The following SCEL variants were observed in gnomAD, a reference collection of about 807,000 sequenced individuals.
SCEL encodes sciellin.
SCEL carries 113 observed loss-of-function variants against 117.6 expected under a neutral mutation model. The observed-to-expected ratio is 0.96, with a 90% CI of 0.83 to 1.12. The LOEUF (loss-of-function observed/expected upper bound fraction) is 1.12. Ranked by LOEUF, SCEL falls within the 50% of genes most tolerant of loss-of-function variation. SCEL has a pLI of 0.00. For missense variants in SCEL, 785 were observed against 810.8 expected, an observed-to-expected ratio of 0.97 and a Z score of 0.39; for synonymous variants, 270 against 256.2, an observed-to-expected ratio of 1.05 and a Z score of -0.51.
intron 1 of SCEL, among the ~76,000 whole-genome samples, chr13:77,538,479 T>TA (rs2083530417): frequency 6.6e-6 from 1 of 151,706 alleles, no homozygotes; most frequent in African/African-American, 2.4e-5. Context: ...GTACAAATGG[T>TA]AAACTGTGAT....
rs780697621 is a variant in SCEL at position 77,559,836 on chromosome 13, G to A, written c.194G>A (p.Arg65Gln). The change falls in exon 4 of 33, where the codon CGA becomes CAA. Residue 65 changes from arginine to glutamine, a missense_variant. Physicochemically the swap from Arg to Gln is conservative, Grantham distance 43. Coordinates refer to ENST00000349847, the MANE Select transcript of SCEL (RefSeq NM_144777.3). The part of the protein sequence containing the change: ...DENYGRVVLN[R>Q]HNSHDALDRK... ...AATTACGGTAGGGTGGTGCTCAACC[G>A]ACATAATTCCCATGATGCATTGGAC... 3.5e-5 allele frequency: 57 copies of A among 1,613,648 alleles called. No homozygotes were observed. Among genetic ancestry groups the A allele is most frequent in the Admixed American group, 1.8e-4 (11 of 59,960 alleles).
intron 11 of SCEL, among the ~76,000 whole-genome samples, 183 bp from the exon 12 acceptor site, chr13:77,593,329 ATG>A (rs2087028502): frequency 8.9e-6 from 1 of 112,290 alleles, no homozygotes; most frequent in Non-Finnish European, 1.9e-5. Context: ...TCAGTGGGGG[ATG>A]TGTGTGTCTC....
chr13:77,612,604 T>C (rs2154403253), intron 22 of SCEL, among the ~76,000 whole-genome samples: 2 of 151,856 alleles, frequency 1.3e-5, no homozygotes, highest in East Asian at 3.9e-4. Context: ...TTATAAATGG[T>C]TTAATTCTGC....
chr13:77,580,525 T>G (rs1271461568), intron 9 of SCEL, among the ~76,000 whole-genome samples: 1 of 152,204 alleles, frequency 6.6e-6, no homozygotes, highest in African/African-American at 2.4e-5. Flanking sequence ...ACCATTAAAT[T>G]TTTGTATTCT....
intron 9 of SCEL, among the ~76,000 whole-genome samples, chr13:77,582,512 A>G (rs183587660): frequency 1.3e-5 from 2 of 152,258 alleles, no homozygotes; most frequent in East Asian, 1.9e-4. Context: ...ACAGGTCTGA[A>G]CCATCCTGTA....
At chr13:77,610,186 C>G (rs533485037) in intron 22 of SCEL, 80 bp downstream of exon 22, 1 of 1,012,588 alleles carries the variant, frequency 9.9e-7, no homozygotes, top group Non-Finnish European at 1.5e-6. Flanking sequence ...TGTGCGGTGG[C>G]TTACGCCTGT....
chr13:77,577,588 C>A (rs543425371), intron 9 of SCEL, among the ~76,000 whole-genome samples: 3 of 152,224 alleles, frequency 2.0e-5, no homozygotes, highest in Non-Finnish European at 4.4e-5. Context: ...AACCATATCA[C>A]CAGGTTTTGA....
intron 12 of SCEL, chr13:77,597,164 T>C (rs756849350): frequency 3.3e-5 from 7 of 213,296 alleles, no homozygotes; most frequent in East Asian, 1.7e-4. Context: ...AACACAGAAG[T>C]GTGTCTGATG....
chr13:77,597,487 C>A, intron 12 of SCEL, 58 bp from the exon 13 acceptor site: 1 of 979,600 alleles, frequency 1.0e-6, no homozygotes. Flanking sequence ...GGCAAATTTA[C>A]CCTTTGACCC....
intron 19 of SCEL, among the ~76,000 whole-genome samples, chr13:77,605,461 C>T (rs1038869131): frequency 6.6e-6 from 1 of 152,092 alleles, no homozygotes; most frequent in Non-Finnish European, 1.5e-5. Context: ...GTAGTCAGTG[C>T]GAGCAGGGAA....
At chr13:77,615,397 T>C (rs1252978817) in intron 24 of SCEL, among the ~76,000 whole-genome samples, 1 of 152,108 alleles carries the variant, frequency 6.6e-6, no homozygotes, top group African/African-American at 2.4e-5. Context: ...TAGCAAAGGC[T>C]GTAAAGATAG....
chr13:77,561,991 A>G (rs1246350036), intron 4 of SCEL, among the ~76,000 whole-genome samples: 1 of 151,946 alleles, frequency 6.6e-6, no homozygotes, highest in African/African-American at 2.4e-5. Flanking sequence ...CTTAGATAAT[A>G]CCTTCATATT....
chr13:77,631,575 TGTACAGG>T (rs2090023339), intron 28 of SCEL, among the ~76,000 whole-genome samples: 1 of 152,200 alleles, frequency 6.6e-6, no homozygotes, highest in South Asian at 2.1e-4. Context: ...TGGGTGAAGG[TGTACAGG>T]GACTTTCTGT....
Position 77,608,118 on chromosome 13 carries a change from G to A in SCEL, c.1217+3G>A, listed in dbSNP as rs764610051. 1 of 1,607,088 alleles carries A rather than the reference G, an allele frequency of 6.2e-7. No individual in the cohort carries two copies. The highest frequency in any genetic ancestry group is 1.1e-5 in the South Asian group (1 of 90,668). ...GAAGTAAAGAGAAGTAACCAAGGGT[G>A]AGGACTATGTCTTACCTCTCTTCCT... On this transcript the variant is annotated splice_donor_region_variant and intron_variant, in intron 20 of 32. Transcript: ENST00000349847.
intron 1 of SCEL, among the ~76,000 whole-genome samples, chr13:77,539,690 A>G (rs1172169953): frequency 6.6e-6 from 1 of 151,704 alleles, no homozygotes; most frequent in Non-Finnish European, 1.5e-5. Context: ...GCCCACCACC[A>G]CGCCCAGCTG....
intron 20 of SCEL, among the ~76,000 whole-genome samples, chr13:77,608,849 G>C (rs2088427265): frequency 6.6e-6 from 1 of 151,880 alleles, no homozygotes. Context: ...TTTTATTTTG[G>C]GGGTAAATGA....
intron 12 of SCEL, 64 bp from the exon 13 acceptor site, chr13:77,597,481 A>C: frequency 1.1e-6 from 1 of 928,896 alleles, no homozygotes; most frequent in Non-Finnish European, 1.7e-6. Flanking sequence ...TTTTAAGGCA[A>C]ATTTACCCTT....
At chr13:77,538,075 A>G (rs2083498754) in intron 1 of SCEL, among the ~76,000 whole-genome samples, 1 of 149,806 alleles carries the variant, frequency 6.7e-6, no homozygotes, top group South Asian at 2.1e-4. Flanking sequence ...TGCTGCATAC[A>G]TAGCTGGAGT....
chr13:77,614,079 A>T (rs950443041), intron 24 of SCEL, 124 bp downstream of exon 24: 3 of 801,814 alleles, frequency 3.7e-6, no homozygotes, highest in Non-Finnish European at 6.2e-6. Context: ...ACAGGTGGAA[A>T]CCTAGATGTC....
Sources: allele counts gnomAD v4.1 joint callset (sites outside exome capture counted in the v4.1 genomes callset), GRCh38; gene constraint gnomAD v4.1.1; transcripts MANE v1.5; gene names NCBI Gene and HGNC (gene_info 2026-07-23, HGNC 2026-07-21).